Variants in TBC1D19 observed in about 807,000 individuals in gnomAD.
TBC1D19 encodes the protein TBC1 domain family member 19.
In TBC1D19, 60 loss-of-function variants were observed where a neutral mutation model predicts 89.0. That is an observed-to-expected ratio of 0.67 (90% CI 0.55 to 0.84). The LOEUF (loss-of-function observed/expected upper bound fraction) is 0.84. Among genes scored for constraint, TBC1D19 ranks in the 40% least tolerant of loss-of-function variants. TBC1D19 has a pLI of 0.00. For missense variants in TBC1D19, 500 were observed against 610.8 expected (o/e 0.82, Z 1.91); for synonymous variants, 189 against 199.7 (o/e 0.95, Z 0.45).
At chr4:26,804,535 A>G in the TBC1D19 span, among the ~76,000 whole-genome samples, 4 of 152,234 alleles carry the variant, frequency 2.6e-5, no homozygotes, top group Middle Eastern at 3.2e-3. Context: ...CTAGCCTTTC[A>G]CCTGGAGGGA....
the TBC1D19 span, among the ~76,000 whole-genome samples, chr4:26,813,215 C>T: frequency 6.6e-6 from 1 of 152,062 alleles, no homozygotes; most frequent in Admixed American, 6.6e-5. Flanking sequence ...CACACAACTG[C>T]ACTCCAGCCT....
At chr4:26,587,168 A>G (rs901298051) in intron 1 of TBC1D19, among the ~76,000 whole-genome samples, 1 of 152,162 alleles carries the variant, frequency 6.6e-6, no homozygotes, top group Non-Finnish European at 1.5e-5. Flanking sequence ...ATGTTGCACC[A>G]ATTTTGTATT....
intron 9 of TBC1D19, among the ~76,000 whole-genome samples, chr4:26,666,728 C>G (rs535937635): frequency 2.6e-5 from 4 of 152,076 alleles, no homozygotes; most frequent in Admixed American, 6.6e-5. Context: ...TTTTGTATCA[C>G]CAAGTTAAGT....
intron 7 of TBC1D19, among the ~76,000 whole-genome samples, chr4:26,651,273 G>GAATCTATAAATTCAGT (rs1456732113): frequency 6.6e-6 from 1 of 152,182 alleles, no homozygotes; most frequent in East Asian, 1.9e-4. Context: ...GTAGCTTGAT[G>GAATCTATAAATTCAGT]GGGATGGCAT....
At chr4:26,587,011 A>G (rs931287226) in intron 1 of TBC1D19, among the ~76,000 whole-genome samples, 2 of 152,146 alleles carry the variant, frequency 1.3e-5, no homozygotes, top group African/African-American at 2.4e-5. Context: ...TTGCAGGTTG[A>G]GGAAGCTCTA....
At chr4:26,654,342 A>G (rs1474581904) in intron 7 of TBC1D19, among the ~76,000 whole-genome samples, 1 of 152,218 alleles carries the variant, frequency 6.6e-6, no homozygotes, top group East Asian at 1.9e-4. Context: ...GAATCTGACA[A>G]TTATGGGTCT....
chr4:26,720,109 C>G lies in TBC1D19; in HGVS notation c.1068C>G (p.Val356=). ...RGKLGLEEYA[V]FYPPNGVIPF... ...AACTAGGACTGGAAGAATATGCTGT[C>G]TTTTACCCACCAAATGGTAAGAGTA... is the stretch of plus-strand genomic sequence containing the variant. The change falls in exon 15 of 21, where the codon GTC becomes GTG. Residue 356 remains valine, a synonymous_variant. Transcript: ENST00000264866. The G allele has an allele frequency of 6.2e-7, 1 of 1,604,210 alleles. No homozygotes were observed. The highest frequency in any genetic ancestry group is 8.5e-7 in the Non-Finnish European group (1 of 1,175,096).
the TBC1D19 span, among the ~76,000 whole-genome samples, chr4:26,829,419 T>C: frequency 6.6e-6 from 1 of 152,196 alleles, no homozygotes; most frequent in Non-Finnish European, 1.5e-5. Flanking sequence ...CCCAAAGGGC[T>C]AGAATGATTT....
chr4:26,626,670 C>G (rs1742423748), intron 4 of TBC1D19, among the ~76,000 whole-genome samples: 1 of 152,020 alleles, frequency 6.6e-6, no homozygotes, highest in Admixed American at 6.6e-5. Flanking sequence ...ATTCTGTTCT[C>G]TGTCAATCCA....
intron 1 of TBC1D19, among the ~76,000 whole-genome samples, chr4:26,578,065 A>G (rs969640385): frequency 6.6e-6 from 1 of 152,140 alleles, no homozygotes; most frequent in Non-Finnish European, 1.5e-5. Flanking sequence ...TAAGACACCC[A>G]CTTTGTTCCA....
At chr4:26,730,101 ATTAGGGACAGAATTC>A (rs1460111628) in intron 15 of TBC1D19, among the ~76,000 whole-genome samples, 1 of 152,180 alleles carries the variant, frequency 6.6e-6, no homozygotes, top group Non-Finnish European at 1.5e-5. Context: ...GTAAGAGTTT[ATTAGGGACAGAATTC>A]TGATCATGGC....
chr4:26,805,697 G>A, the TBC1D19 span, among the ~76,000 whole-genome samples: 1 of 152,140 alleles, frequency 6.6e-6, no homozygotes, highest in Non-Finnish European at 1.5e-5. Flanking sequence ...AGAGAGACTT[G>A]TGTAAAGAAC....
intron 8 of TBC1D19, among the ~76,000 whole-genome samples, chr4:26,665,727 G>T (rs1053451212): frequency 1.3e-4 from 20 of 152,142 alleles, no homozygotes; most frequent in African/African-American, 4.6e-4. Context: ...TTTAGACAAT[G>T]ATTTTAGAAG....
the TBC1D19 span, among the ~76,000 whole-genome samples, chr4:26,813,361 A>G: frequency 1.2e-3 from 187 of 152,356 alleles, 1 homozygote; most frequent in Non-Finnish European, 2.1e-3. Flanking sequence ...CCAAAATCCT[A>G]AAAATTCTGA....
intron 1 of TBC1D19, among the ~76,000 whole-genome samples, chr4:26,589,282 C>G (rs1739620342): frequency 6.6e-6 from 1 of 151,444 alleles, no homozygotes; most frequent in Non-Finnish European, 1.5e-5. Flanking sequence ...CTCAAAAACA[C>G]AAACAACAAC....
the TBC1D19 span, among the ~76,000 whole-genome samples, chr4:26,839,375 T>C: frequency 2.0e-5 from 3 of 152,238 alleles, no homozygotes; most frequent in African/African-American, 4.8e-5. Flanking sequence ...ATGATACTTA[T>C]AATAGGACAT....
Position 26,755,652 on chromosome 4 carries a change from G to A in TBC1D19, c.*705G>A, listed in dbSNP as rs377504006. 5.3e-5 allele frequency among the ~76,000 whole-genome samples: 8 copies of A among 152,070 alleles called. No homozygotes were observed. In the East Asian group the frequency reaches 1.5e-3, roughly 29 times the overall value. ...TTCACTTCTCAACCTTCCTTCTCTT[G>A]CTTAGAAGACTTGACATTGCCGATG... On this transcript the variant is annotated 3_prime_UTR_variant, in exon 21 of 21. Coordinates refer to ENST00000264866, the MANE Select transcript of TBC1D19 (RefSeq NM_018317.4).
At chr4:26,644,663 T>C (rs1248992527) in intron 7 of TBC1D19, among the ~76,000 whole-genome samples, 2 of 152,172 alleles carry the variant, frequency 1.3e-5, no homozygotes, top group East Asian at 1.9e-4. Flanking sequence ...GATTGTATAT[T>C]TAGAAGATCC....
chr4:26,626,862 TTTTTA>T (rs1742443561), intron 4 of TBC1D19, among the ~76,000 whole-genome samples: 2 of 149,060 alleles, frequency 1.3e-5, no homozygotes, highest in South Asian at 4.2e-4. Context: ...TTTATTTTTA[TTTTTA>T]TTTATTTTAT....
Sources: gnomAD v4.1 joint callset for allele counts (sites outside exome capture counted in the v4.1 genomes callset) on GRCh38, gnomAD v4.1.1 for gene constraint, MANE v1.5 for transcripts, NCBI Gene and HGNC (gene_info 2026-07-23, HGNC 2026-07-21) for gene names.